Variants in ZPBP observed in about 807,000 individuals in gnomAD.
ZPBP encodes zona pellucida binding protein, also known as zona pellucida-binding protein 1.
In ZPBP, 26 loss-of-function variants were observed where a neutral mutation model predicts 44.8. The observed-to-expected ratio is 0.58, with a 90% CI of 0.43 to 0.81. The LOEUF (loss-of-function observed/expected upper bound fraction) is 0.81, where lower values mean the gene tolerates loss of function less well. Among genes scored for constraint, ZPBP ranks in the 30% least tolerant of loss-of-function variants. The probability of loss-of-function intolerance (pLI) is 0.00; values close to 1 mark genes in which losing one functional copy is unlikely to be tolerated. For synonymous variants in ZPBP, 174 were observed against 153.2 expected (o/e 1.14, Z -1.00); for missense variants, 409 against 434.0 (o/e 0.94, Z 0.51).
rs868653831 is a variant in ZPBP, at chr7:49,877,493, T to A, written n.509+23625A>T. ...AAAAAAAAAAAAAAATATATATATA[T>A]ATATATATATATATATATATATATA... On this transcript the variant is annotated intron_variant and non_coding_transcript_variant, in intron 2 of 2. Transcript: ENST00000465922. Among the ~76,000 whole-genome samples the A allele has an allele frequency of 4.5e-3, 275 of 61,262 alleles. 48 individuals are homozygous for A. Among genetic ancestry groups the A allele is most frequent in the African/African-American group, 0.02 (236 of 11,684 alleles). The allele number at this position is 61,262 out of a possible 152,430, so 40.2% of individuals were successfully genotyped here.
At chr7:49,972,623 T>C (rs1796345130) in intron 7 of ZPBP, among the ~76,000 whole-genome samples, 2 of 152,048 alleles carry the variant, frequency 1.3e-5, no homozygotes, top group African/African-American at 4.8e-5. Context: ...CATGGATTGG[T>C]AGACTTAATA....
intron 7 of ZPBP, among the ~76,000 whole-genome samples, chr7:49,974,985 T>A (rs955731423): frequency 1.3e-5 from 2 of 152,000 alleles, no homozygotes; most frequent in African/African-American, 4.8e-5. Flanking sequence ...TGGGACCCAC[T>A]TTGCTTTTAT....
chr7:50,008,881 A>C (rs1288085276), intron 6 of ZPBP, among the ~76,000 whole-genome samples: 1 of 152,022 alleles, frequency 6.6e-6, no homozygotes, highest in Non-Finnish European at 1.5e-5. Flanking sequence ...AGAGTAAATA[A>C]AGACACATAC....
At chr7:49,978,438 G>T (rs1413124195) in intron 7 of ZPBP, among the ~76,000 whole-genome samples, 4 of 151,870 alleles carry the variant, frequency 2.6e-5, no homozygotes, top group African/African-American at 4.8e-5. Context: ...AAATAATATA[G>T]GTGGAAATGT....
At chr7:50,079,584 A>T (rs551405396) in intron 3 of ZPBP, among the ~76,000 whole-genome samples, 16 of 151,588 alleles carry the variant, frequency 1.1e-4, no homozygotes, top group Non-Finnish European at 2.2e-4. Context: ...TTCTTGGTCC[A>T]AGAGTATAAA....
At chr7:49,929,578 C>T (rs1794378634) in intron 1 of ZPBP, among the ~76,000 whole-genome samples, 1 of 152,208 alleles carries the variant, frequency 6.6e-6, no homozygotes, top group Non-Finnish European at 1.5e-5. Flanking sequence ...GTATCATGTC[C>T]ACCTGGATAA....
chr7:50,073,005 A>G (rs1801923083), intron 3 of ZPBP, among the ~76,000 whole-genome samples: 1 of 152,162 alleles, frequency 6.6e-6, no homozygotes, highest in African/African-American at 2.4e-5. Context: ...ATGGCCAGAC[A>G]CCAAAGAACA....
Position 49,944,126 on chromosome 7 carries a change from T to A in ZPBP, c.962-6504A>T, listed in dbSNP as rs887612753. ...TTGTTTCATGACAACTGTGTATGAA[T>A]CCTTCATAACTGTATCCACTTCCTC... On this transcript the variant is annotated intron_variant, in intron 7 of 7. Coordinates refer to ENST00000046087, the MANE Select transcript of ZPBP (RefSeq NM_007009.3). 72 of 248,662 alleles carry A rather than the reference T, an allele frequency of 2.9e-4. 2 individuals are homozygous for A. The South Asian group carries it at 3.5e-3, about 12-fold the overall frequency. 15.4% of individuals were successfully genotyped at this position (248,662 alleles called of 1,614,324 possible).
chr7:50,089,852 A>G (rs1802861763), intron 1 of ZPBP, 143 bp from the exon 2 acceptor site: 2 of 676,044 alleles, frequency 3.0e-6, no homozygotes, highest in Non-Finnish European at 5.3e-6. Flanking sequence ...TTCCAACTCT[A>G]TTCCCCCTCA....
At chr7:50,051,469 A>T (rs1436054479) in intron 4 of ZPBP, among the ~76,000 whole-genome samples, 2 of 152,184 alleles carry the variant, frequency 1.3e-5, no homozygotes, top group Non-Finnish European at 2.9e-5. Flanking sequence ...TTCTGTTACG[A>T]GGATACATGC....
intron 4 of ZPBP, among the ~76,000 whole-genome samples, chr7:50,043,473 T>TG (rs1800195144): frequency 6.6e-6 from 1 of 152,102 alleles, no homozygotes; most frequent in African/African-American, 2.4e-5. Flanking sequence ...AATAAAGGGA[T>TG]GGGGGAATGT....
At chr7:50,031,343 A>G in intron 4 of ZPBP, 33 bp from the exon 5 acceptor site, 1 of 1,520,062 alleles carries the variant, frequency 6.6e-7, no homozygotes, top group South Asian at 1.2e-5. Context: ...AGACACAAAA[A>G]TGGTTATTTA....
chr7:49,910,553 T>C (rs527606601), intron 1 of ZPBP, among the ~76,000 whole-genome samples: 2 of 152,142 alleles, frequency 1.3e-5, no homozygotes, highest in African/African-American at 2.4e-5. Flanking sequence ...CAGTTGCTCA[T>C]AGCTGAATGA....
At chr7:50,018,138 G>A in intron 6 of ZPBP, 102 bp downstream of exon 6, 1 of 829,948 alleles carries the variant, frequency 1.2e-6, no homozygotes, top group East Asian at 2.5e-5. Context: ...ATCCTTAACT[G>A]TGGGGATTCA....
chr7:49,985,361 G>A (rs1797216285), intron 6 of ZPBP, among the ~76,000 whole-genome samples: 2 of 152,074 alleles, frequency 1.3e-5, no homozygotes, highest in East Asian at 3.9e-4. Flanking sequence ...TTAGCCTGTG[G>A]TAAAATTTAT....
chr7:50,061,290 T>G (rs951365892), intron 3 of ZPBP, among the ~76,000 whole-genome samples: 1 of 152,116 alleles, frequency 6.6e-6, no homozygotes, highest in African/African-American at 2.4e-5. Flanking sequence ...CCTATTAACA[T>G]AGTTCTGGAA....
chr7:49,991,641 A>C (rs1054869863), intron 6 of ZPBP, among the ~76,000 whole-genome samples: 1 of 152,192 alleles, frequency 6.6e-6, no homozygotes, highest in African/African-American at 2.4e-5. Flanking sequence ...GAAAGATTAA[A>C]GACAAATTAT....
At chr7:50,084,192 T>G (rs1802510065) in intron 2 of ZPBP, among the ~76,000 whole-genome samples, 1 of 151,848 alleles carries the variant, frequency 6.6e-6, no homozygotes, top group Non-Finnish European at 1.5e-5. Context: ...GATAAGGATG[T>G]GGGAAAATGG....
At chr7:49,945,130 A>G (rs1181069724) in intron 7 of ZPBP, among the ~76,000 whole-genome samples, 2 of 152,124 alleles carry the variant, frequency 1.3e-5, no homozygotes, top group African/African-American at 4.8e-5. Flanking sequence ...CATATTGTTT[A>G]ATTTCCAGGT....
Sources: gnomAD v4.1 joint callset for allele counts (sites outside exome capture counted in the v4.1 genomes callset) on GRCh38, gnomAD v4.1.1 for gene constraint, MANE v1.5 for transcripts, NCBI Gene and HGNC (gene_info 2026-07-23, HGNC 2026-07-21) for gene names.